Variants in TTC13 observed in about 807,000 individuals in gnomAD.
TTC13 encodes the protein tetratricopeptide repeat protein 13.
Under a neutral mutation model 120.0 loss-of-function variants are expected in TTC13, and 62 were observed. That is an observed-to-expected ratio of 0.52 (90% CI 0.42 to 0.64). TTC13 has a LOEUF of 0.64. TTC13 is among the 30% of genes least tolerant of loss of function. The pLI is 0.00. For synonymous variants in TTC13, 384 were observed against 393.5 expected, an observed-to-expected ratio of 0.98 and a Z score of 0.28; for missense variants, 824 against 1,050.2, an observed-to-expected ratio of 0.78 and a Z score of 2.98.
At position 230,944,474 on chromosome 1, in the gene TTC13, G is replaced by C. The variant is rs1370299941; in HGVS notation, c.580-576C>G. On this transcript the variant is annotated intron_variant, in intron 5 of 22. Transcript: ENST00000366661. This position sits in a 1 kb window ranked among gnomAD's most constrained non-coding sequence, Gnocchi z 4.0. ...AGAGGCAGCTCTGAACTTTACTACT[G>C]CAACTTCAACCTGGTCATTCATTGA... 6.6e-6 allele frequency among the ~76,000 whole-genome samples: 1 copy of C among 152,176 alleles called. No homozygotes were observed. Among genetic ancestry groups the C allele is most frequent in the Non-Finnish European group, 1.5e-5 (1 of 68,020 alleles).
rs1671092627 is a variant in TTC13, at chr1:230,907,903, AT to A, written c.2468+808del. ...ATGAGTTTAATTTCACACACTTCAA[AT>A]TCACACAGTCCTCTCCAGTGCTTCT... On this transcript the variant is annotated intron_variant, in intron 22 of 22. Coordinates refer to ENST00000366661, the MANE Select transcript of TTC13 (RefSeq NM_024525.5). Among the ~76,000 whole-genome samples, 3 of 152,318 alleles carry A rather than the reference AT, an allele frequency of 2.0e-5. No individual in the cohort carries two copies. In the South Asian group the frequency reaches 6.2e-4, roughly 32 times the overall value.
intron 3 of TTC13, among the ~76,000 whole-genome samples, chr1:230,957,285 A>T (rs965967820): frequency 6.6e-6 from 1 of 152,148 alleles, no homozygotes; most frequent in Non-Finnish European, 1.5e-5. Flanking sequence ...AAACAATTTT[A>T]AAAAATTAGC....
intron 5 of TTC13, 27 bp from the exon 6 acceptor site, chr1:230,943,925 G>A: frequency 2.0e-6 from 3 of 1,520,506 alleles, no homozygotes; most frequent in South Asian, 1.2e-5. Context: ...CTTAGTATGA[G>A]ACATACTGTT....
intron 1 of TTC13, among the ~76,000 whole-genome samples, chr1:230,961,794 C>G (rs980523217): frequency 1.3e-5 from 2 of 152,076 alleles, no homozygotes; most frequent in African/African-American, 2.4e-5. Context: ...TCTCAGGACA[C>G]ATGTGGAACT....
At chr1:230,945,564 T>C (rs1036847097) in intron 4 of TTC13, 110 bp from the exon 5 acceptor site, 3 of 920,780 alleles carry the variant, frequency 3.3e-6, no homozygotes, top group Non-Finnish European at 5.4e-6. Context: ...TACTTCTTTA[T>C]GCTACGACCA....
chr1:230,958,377 A>T, intron 2 of TTC13, 78 bp from the exon 3 acceptor site: 1 of 1,479,672 alleles, frequency 6.8e-7, no homozygotes, highest in Non-Finnish European at 9.0e-7. Flanking sequence ...TCTGTATTTT[A>T]AAAAATTAAA....
intron 1 of TTC13, among the ~76,000 whole-genome samples, chr1:230,962,517 T>C (rs1442762267): frequency 6.6e-6 from 1 of 152,168 alleles, no homozygotes; most frequent in East Asian, 1.9e-4. Context: ...TGTAAAATGG[T>C]ACACCAGTTA....
intron 9 of TTC13, among the ~76,000 whole-genome samples, chr1:230,932,891 T>C (rs1245017796): frequency 1.3e-5 from 2 of 152,212 alleles, no homozygotes; most frequent in Non-Finnish European, 2.9e-5. Flanking sequence ...TAAGCACTCA[T>C]ACCTGCAGAA....
chr1:230,960,992 A>C (rs1311094603), intron 2 of TTC13, among the ~76,000 whole-genome samples: 1 of 152,236 alleles, frequency 6.6e-6, no homozygotes, highest in Non-Finnish European at 1.5e-5. Flanking sequence ...TTATTTCTTG[A>C]CACTTGCAAA....
intron 1 of TTC13, among the ~76,000 whole-genome samples, chr1:230,969,089 C>T (rs978702612): frequency 1.3e-5 from 2 of 151,956 alleles, no homozygotes; most frequent in Admixed American, 6.6e-5. Flanking sequence ...GGTGAAACCC[C>T]GTCTCTACTA....
At chr1:230,934,885 A>G (rs1239648095) in intron 8 of TTC13, among the ~76,000 whole-genome samples, 1 of 152,216 alleles carries the variant, frequency 6.6e-6, no homozygotes, top group Non-Finnish European at 1.5e-5. Context: ...TAAATATTTA[A>G]TGATTTGGTA....
intron 1 of TTC13, among the ~76,000 whole-genome samples, chr1:230,977,289 C>A (rs1458042943): frequency 6.6e-6 from 1 of 152,144 alleles, no homozygotes; most frequent in African/African-American, 2.4e-5. Context: ...CCTCACAGCA[C>A]CCTCGTGAGG....
rs1442214904 is a variant in TTC13, at chr1:230,978,209, G to C, written c.271+351C>G. On this transcript the variant is annotated intron_variant, in intron 1 of 22. Coordinates refer to ENST00000366661, the MANE Select transcript of TTC13 (RefSeq NM_024525.5). The surrounding 1 kb of genome is among the most constrained non-coding windows in gnomAD (Gnocchi z 5.6). The stretch of plus-strand genomic sequence containing the variant: ...CCTCCCTCGCCCCTTCGGCATCCTC[G>C]GGAGGCCGGCGGCGGGAACAGGGCT... Among the ~76,000 whole-genome samples the C allele has an allele frequency of 1.3e-5, 2 of 152,162 alleles. No homozygotes were observed. Among genetic ancestry groups the C allele is most frequent in the African/African-American group, 2.4e-5 (1 of 41,456 alleles).
chr1:230,934,776 G>A (rs1673887742), intron 8 of TTC13, among the ~76,000 whole-genome samples: 1 of 152,148 alleles, frequency 6.6e-6, no homozygotes, highest in African/African-American at 2.4e-5. Context: ...TCGCTTTAAT[G>A]CAAAAGACAT....
In TTC13 at chr1:230,944,499, A is replaced by C. The variant is rs983990806; in HGVS notation, c.580-601T>G. Reference sequence around the variant, plus strand: ...GCAACTTCAACCTGGTCATTCATTGATGCTCTGAGTAAAATATCATTTCCT... The same window carrying C: ...GCAACTTCAACCTGGTCATTCATTGCTGCTCTGAGTAAAATATCATTTCCT... On this transcript the variant is annotated intron_variant, in intron 5 of 22. Coordinates refer to ENST00000366661, the MANE Select transcript of TTC13 (RefSeq NM_024525.5). This position sits in a 1 kb window ranked among gnomAD's most constrained non-coding sequence, Gnocchi z 4.0. 2.0e-5 allele frequency among the ~76,000 whole-genome samples: 3 copies of C among 152,172 alleles called. No individual in the cohort carries two copies. The highest frequency in any genetic ancestry group is 6.5e-5 in the Admixed American group (1 of 15,268).
At chr1:230,951,876 A>C (rs1033799644) in intron 4 of TTC13, among the ~76,000 whole-genome samples, 3 of 152,234 alleles carry the variant, frequency 2.0e-5, no homozygotes, top group African/African-American at 7.2e-5. Flanking sequence ...ATTGGAGAAG[A>C]AGCAATAACT....
chr1:230,950,658 A>C (rs1675487469), intron 4 of TTC13, among the ~76,000 whole-genome samples: 1 of 152,250 alleles, frequency 6.6e-6, no homozygotes, highest in African/African-American at 2.4e-5. Flanking sequence ...GATGTTATTT[A>C]AAATTCTATG....
At chr1:230,937,308 T>C (rs1674156794) in intron 8 of TTC13, among the ~76,000 whole-genome samples, 1 of 152,154 alleles carries the variant, frequency 6.6e-6, no homozygotes, top group South Asian at 2.1e-4. Context: ...TTTGCATTTG[T>C]TTACTTTTAA....
In TTC13 at chr1:230,943,867, T is replaced by C; in HGVS notation, c.611A>G (p.Glu204Gly). Reference protein sequence around the residue: ...DIKNAELALFELSRVITLEPD... With the variant: ...DIKNAELALFGLSRVITLEPD... The stretch of plus-strand genomic sequence containing the variant: ...TTCCAAGGTAATTACTCGGCTCAGT[T>C]CGAACAGAGCAAGCTCAGCATTCTT... The change falls in exon 6 of 23, where the codon GAA becomes GGA. Residue 204 changes from glutamate (E) to glycine (G), a missense_variant. Around this residue, in one of 4 missense-constraint regions of TTC13, gnomAD observed 430 missense variants for 626.8 expected, o/e 0.69. Coordinates refer to ENST00000366661, the MANE Select transcript of TTC13 (RefSeq NM_024525.5). 3 of 1,611,924 alleles carry C rather than the reference T, an allele frequency of 1.9e-6. No homozygotes were observed. Among genetic ancestry groups the C allele is most frequent in the Non-Finnish European group, 2.5e-6 (3 of 1,178,504 alleles).
Sources: gnomAD v4.1 joint callset for allele counts (sites outside exome capture counted in the v4.1 genomes callset) on GRCh38, gnomAD v4.1.1 for gene constraint, gnomAD v4.1.1 regional missense constraint, Gnocchi (gnomAD v3.1) non-coding constraint, MANE v1.5 for transcripts, NCBI Gene and HGNC (gene_info 2026-07-23, HGNC 2026-07-21) for gene names.